Variants in ASIC4 observed in about 807,000 individuals in gnomAD.
ASIC4 encodes the protein acid-sensing ion channel 4.
In ASIC4, 28 loss-of-function variants were observed where a neutral mutation model predicts 53.4. The ratio of observed to expected loss-of-function variants is 0.52; its 90% CI spans 0.39 to 0.72. The LOEUF (loss-of-function observed/expected upper bound fraction) is 0.72. Among genes scored for constraint, ASIC4 ranks in the 30% least tolerant of loss-of-function variants. ASIC4 has a pLI of 0.00. For synonymous variants in ASIC4, 289 were observed against 301.4 expected (o/e 0.96, Z 0.43); for missense variants, 649 against 729.7 (o/e 0.89, Z 1.27).
chr2:219,538,287 C>G lies in ASIC4; in HGVS notation c.*241C>G. 1 of 480,256 alleles carries G rather than the reference C, an allele frequency of 2.1e-6. No individual in the cohort carries two copies. Among genetic ancestry groups the G allele is most frequent in the Non-Finnish European group, 3.7e-6 (1 of 267,530 alleles). 29.7% of individuals were successfully genotyped at this position (480,256 alleles called of 1,614,324 possible). On this transcript the variant is annotated 3_prime_UTR_variant, in exon 10 of 10. Transcript: ENST00000358078. ...CTGGAGACCAGGCCATGGGCCCTCA[C>G]GGAGAGGAAGGGAAGGAAGGAGAGG... is the stretch of plus-strand genomic sequence containing the variant.
intron 1 of ASIC4, among the ~76,000 whole-genome samples, chr2:219,519,837 C>G (rs1352858203): frequency 1.3e-5 from 2 of 151,866 alleles, no homozygotes; most frequent in Admixed American, 1.3e-4. Context: ...GTCGGGCCAT[C>G]TACTCTGTGG....
Position 219,514,638 on chromosome 2 carries a change from C to A in ASIC4, c.-87C>A, listed in dbSNP as rs776841581. 6.2e-7 allele frequency: 1 copy of A among 1,612,138 alleles called. No individual in the cohort carries two copies. ...GAGTTTAGAAGAGCAGCCGCTGCCA[C>A]CACTGCCACTCGGGAGGGCACCAGG... On this transcript the variant is annotated 5_prime_UTR_variant, in exon 1 of 10. Transcript: ENST00000358078.
intron 1 of ASIC4, among the ~76,000 whole-genome samples, chr2:219,520,183 C>T (rs1694863518): frequency 6.6e-6 from 1 of 152,084 alleles, no homozygotes; most frequent in Non-Finnish European, 1.5e-5. Flanking sequence ...CCTCCTTCTC[C>T]ACATGCTGGT....
At chr2:219,529,158 T>C (rs191334226) in intron 1 of ASIC4, among the ~76,000 whole-genome samples, 1 of 152,340 alleles carries the variant, frequency 6.6e-6, no homozygotes, top group East Asian at 1.9e-4. Context: ...GGGGAGATAA[T>C]AGTACCCACC....
chr2:219,529,888 GACTCCCAGAGC>G (rs1312720567), intron 1 of ASIC4, among the ~76,000 whole-genome samples: 1 of 151,878 alleles, frequency 6.6e-6, no homozygotes, highest in Admixed American at 6.6e-5. Flanking sequence ...TCAGGGCTGC[GACTCCCAGAGC>G]ACTGCAGCAG....
intron 1 of ASIC4, among the ~76,000 whole-genome samples, chr2:219,519,220 T>A (rs1361663077): frequency 2.0e-5 from 3 of 152,226 alleles, no homozygotes; most frequent in African/African-American, 7.2e-5. Context: ...TGGGGGTTGT[T>A]GTGAGGATTA....
rs904799254 is a variant in ASIC4, at chr2:219,517,919, T to C, written c.582+2613T>C. On this transcript the variant is annotated intron_variant, in intron 1 of 9. Coordinates refer to ENST00000358078, the MANE Select transcript of ASIC4 (RefSeq NM_018674.6). The surrounding 1 kb of genome is among the most constrained non-coding windows in gnomAD (Gnocchi z 4.2). ...CTCCTTCCCACTCCCCACTCTGCTG[T>C]GACCTTTCCTCTGGAATCCAAGTTA... 3.9e-5 allele frequency among the ~76,000 whole-genome samples: 6 copies of C among 152,136 alleles called. No individual in the cohort carries two copies. The highest frequency in any genetic ancestry group is 1.2e-4 in the African/African-American group (5 of 41,416).
chr2:219,521,051 ACCTT>A (rs1308488447), intron 1 of ASIC4, among the ~76,000 whole-genome samples: 9 of 151,978 alleles, frequency 5.9e-5, no homozygotes, highest in Non-Finnish European at 1.3e-4. Context: ...CACCCTCCCC[ACCTT>A]CCACCCCACA....
At chr2:219,533,740 T>A (rs1339733670) in intron 5 of ASIC4, 1 of 150,516 alleles carries the variant, frequency 6.6e-6, no homozygotes, top group East Asian at 2.0e-4. Context: ...GTAGAAAGAG[T>A]AGAGGAGGGA....
chr2:219,508,978 G>T, the ASIC4 span, among the ~76,000 whole-genome samples: 2 of 152,056 alleles, frequency 1.3e-5, no homozygotes, highest in Non-Finnish European at 2.9e-5. Context: ...GGGGAGGAGA[G>T]CCGGGGACAG....
At chr2:219,512,014 T>G (rs759598373), upstream of ASIC4, among the ~76,000 whole-genome samples, 2 of 149,150 alleles carry the variant, frequency 1.3e-5, no homozygotes, top group Non-Finnish European at 3.0e-5. Context: ...GCTGGAAGTA[T>G]GGGGGCACTC....
intron 1 of ASIC4, 151 bp downstream of exon 1, chr2:219,515,457 G>A (rs932797862): frequency 1.7e-5 from 19 of 1,148,354 alleles, no homozygotes; most frequent in South Asian, 6.4e-5. Context: ...CAAGCCTGGC[G>A]TCTCCCTCTG....
chr2:219,514,583 C>T lies in ASIC4; in HGVS notation c.-142C>T. 6.3e-7 allele frequency: 1 copy of T among 1,585,792 alleles called. No individual in the cohort carries two copies. Among genetic ancestry groups the T allele is most frequent in the Non-Finnish European group, 8.6e-7 (1 of 1,166,138 alleles). ...GTGACTCCCCCACCTCGGGCCCCCACCCTGTCCCTGTCCTCTTCCCGCTTG... is the reference window on the plus strand; with the variant it reads ...GTGACTCCCCCACCTCGGGCCCCCATCCTGTCCCTGTCCTCTTCCCGCTTG... On this transcript the variant is annotated 5_prime_UTR_variant, in exon 1 of 10. Transcript: ENST00000358078.
At position 219,515,039 on chromosome 2, in the gene ASIC4, C is replaced by A. The variant is rs778494559; in HGVS notation, c.315C>A (p.Ala105=). ...ACCTGGTGGCAATGGACCCCGCTGC[C>A]CCAGCCCCAGTGGCGGGCTTCCCGG... ...RPHLVAMDPA[A]PAPVAGFPAV... is the part of the protein sequence containing the mutation. The change falls in exon 1 of 10, where the codon GCC becomes GCA. Residue 105 remains alanine, a synonymous_variant. Transcript: ENST00000358078. 1 of 1,613,736 alleles carries A rather than the reference C, an allele frequency of 6.2e-7. No homozygotes were observed. The highest frequency in any genetic ancestry group is 8.5e-7 in the Non-Finnish European group (1 of 1,179,974).
In ASIC4 at chr2:219,518,085, C is replaced by G. The variant is rs547808356; in HGVS notation, c.582+2779C>G. Among the ~76,000 whole-genome samples, 101 of 152,288 alleles carry G rather than the reference C, an allele frequency of 6.6e-4. No homozygotes were observed. The highest frequency in any genetic ancestry group is 1.1e-3 in the Non-Finnish European group (73 of 68,020). ...TAATATCCCTTCATGCACTCCCAAT[C>G]AGTCAGTCAATCAATCAACATGGAG... is the stretch of plus-strand genomic sequence containing the variant. On this transcript the variant is annotated intron_variant, in intron 1 of 9. Transcript: ENST00000358078. This position sits in a 1 kb window ranked among gnomAD's most constrained non-coding sequence, Gnocchi z 4.8.
rs750587497 is a variant in ASIC4, at chr2:219,536,663, G to A, written c.1230-403G>A. Among the ~76,000 whole-genome samples, 1 of 152,034 alleles carries A rather than the reference G, an allele frequency of 6.6e-6. No individual in the cohort carries two copies. The highest frequency in any genetic ancestry group is 1.5e-5 in the Non-Finnish European group (1 of 67,988). On this transcript the variant is annotated intron_variant, in intron 6 of 9. Transcript: ENST00000358078. This position sits in a 1 kb window ranked among gnomAD's most constrained non-coding sequence, Gnocchi z 4.6. The stretch of plus-strand genomic sequence containing the variant: ...GCTGTGTGGAGGAAGCAGAAAAGAC[G>A]GCGGCTGGGGAGGAAGGTGCCGGGG...
chr2:219,528,534 TTG>T (rs1408076281), intron 1 of ASIC4, among the ~76,000 whole-genome samples: 89 of 148,072 alleles, frequency 6.0e-4, no homozygotes, highest in African/African-American at 2.0e-3. Context: ...GGACTTTTTG[TTG>T]TTGTTGTTGT....
upstream of ASIC4, among the ~76,000 whole-genome samples, chr2:219,513,831 A>G (rs1321841798): frequency 6.6e-6 from 1 of 152,210 alleles, no homozygotes; most frequent in East Asian, 1.9e-4. Flanking sequence ...GGGCAGGGGC[A>G]TGGTGGGTGT....
chr2:219,524,112 C>T (rs1219048649), intron 1 of ASIC4, among the ~76,000 whole-genome samples: 1 of 152,180 alleles, frequency 6.6e-6, no homozygotes, highest in African/African-American at 2.4e-5. Flanking sequence ...TGTGAGCCAC[C>T]GTGCCTAGCC....
Sources: gnomAD v4.1 joint callset for allele counts (sites outside exome capture counted in the v4.1 genomes callset) on GRCh38, gnomAD v4.1.1 for gene constraint, Gnocchi (gnomAD v3.1) non-coding constraint, MANE v1.5 for transcripts, NCBI Gene and HGNC (gene_info 2026-07-23, HGNC 2026-07-21) for gene names.